The following NBPF3 variants were observed in gnomAD, a reference collection of about 807,000 sequenced individuals.
NBPF3 encodes the protein NBPF family member NBPF3.
NBPF3 carries 57 observed loss-of-function variants against 78.1 expected under a neutral mutation model. That is an observed-to-expected ratio of 0.73 (90% CI 0.59 to 0.91). The LOEUF is 0.91. Ranked by LOEUF, NBPF3 falls within the 40% of genes least tolerant of loss-of-function variation. NBPF3 has a pLI of 0.00. For missense variants in NBPF3, 510 were observed against 715.3 expected, an observed-to-expected ratio of 0.71 and a Z score of 3.27; for synonymous variants, 182 against 271.7, an observed-to-expected ratio of 0.67 and a Z score of 3.25.
chr1:21,460,940 C>A lies in NBPF3; in HGVS notation c.134-7748C>A, dbSNP rs1020961102. On this transcript the variant is annotated intron_variant, in intron 2 of 14. Coordinates refer to ENST00000318249, the MANE Select transcript of NBPF3 (RefSeq NM_032264.6). The surrounding 1 kb of genome is among the most constrained non-coding windows in gnomAD (Gnocchi z 4.2). ...AGGTTACAAGAAAATGACAAACACA[C>A]CAGTGTTTCAATGAACATAAAATTT... Among the ~76,000 whole-genome samples, 1 of 152,084 alleles carries A rather than the reference C, an allele frequency of 6.6e-6. No homozygotes were observed.
intron 9 of NBPF3, among the ~76,000 whole-genome samples, chr1:21,478,944 T>C (rs1174683155): frequency 6.6e-6 from 1 of 152,244 alleles, no homozygotes; most frequent in African/African-American, 2.4e-5. Flanking sequence ...GCTGGTACAT[T>C]GCACCCCTCC....
At chr1:21,442,652 T>A (rs1267005425) in intron 1 of NBPF3, among the ~76,000 whole-genome samples, 3 of 151,982 alleles carry the variant, frequency 2.0e-5, no homozygotes. Context: ...TTATAACAAT[T>A]TTATTTCAGT....
intron 12 of NBPF3, 137 bp from the exon 13 acceptor site, chr1:21,481,460 C>A: frequency 8.9e-7 from 1 of 1,120,432 alleles, no homozygotes; most frequent in Non-Finnish European, 1.3e-6. Context: ...CAACTGAGGG[C>A]AATAATTTGT....
At position 21,470,647 on chromosome 1, in the gene NBPF3, A is replaced by G. The variant is rs1642533275; in HGVS notation, c.359A>G (p.Lys120Arg). The change falls in exon 4 of 15, where the codon AAA becomes AGA. Residue 120 changes from lysine (K) to arginine (R), a missense_variant. Around this residue, in one of 5 missense-constraint regions of NBPF3, gnomAD observed 440 missense variants for 478.2 expected, o/e 0.92. Coordinates refer to ENST00000318249, the MANE Select transcript of NBPF3 (RefSeq NM_032264.6). Reference protein sequence around the residue: ...RQNNYDYEDCKDLIKSMLRDE... With the variant: ...RQNNYDYEDCRDLIKSMLRDE... ...CTTTTCTCAGACTATGAAGACTGCA[A>G]AGACCTCATAAAATCTATGCTGAGG... is the stretch of plus-strand genomic sequence containing the variant. The G allele has an allele frequency of 1.9e-6, 3 of 1,597,138 alleles. No homozygotes were observed. Among genetic ancestry groups the G allele is most frequent in the Non-Finnish European group, 1.7e-6 (2 of 1,168,832 alleles).
chr1:21,439,234 G>C (rs571800048), upstream of NBPF3, among the ~76,000 whole-genome samples: 5 of 152,248 alleles, frequency 3.3e-5, no homozygotes, highest in African/African-American at 9.6e-5. Context: ...AGCTGAGATT[G>C]TGCCACTGCA....
In NBPF3 at chr1:21,471,500, G is replaced by A. The variant is rs1206397686; in HGVS notation, c.447-69G>A. 4.4e-6 allele frequency: 7 copies of A among 1,608,214 alleles called. No homozygotes were observed. The Admixed American group carries it at 1.2e-4, about 27-fold the overall frequency. On this transcript the variant is annotated intron_variant, in intron 4 of 14. Coordinates refer to ENST00000318249, the MANE Select transcript of NBPF3 (RefSeq NM_032264.6). ...TGAGGACATTGTCTCAGAAATCTGT[G>A]TTGCAAAATATTAGAACTGATCACT...
intron 2 of NBPF3, among the ~76,000 whole-genome samples, chr1:21,448,115 C>T (rs555323439): frequency 6.6e-6 from 1 of 152,182 alleles, no homozygotes; most frequent in South Asian, 2.1e-4. Flanking sequence ...GTGTCTTTCA[C>T]AGAGCAGAAG....
rs189747057 is a variant in NBPF3, at chr1:21,479,401, G to T, written c.1208+1G>T. ...AGGACCAAGAGGCCACAAGTCCCAG[G>T]TGAGTCTGAGAAATTATGGACAGTT... On this transcript the variant is annotated splice_donor_variant, in intron 10 of 14. Coordinates refer to ENST00000318249, the MANE Select transcript of NBPF3 (RefSeq NM_032264.6). LOFTEE classifies it high-confidence loss of function. 2.5e-6 allele frequency: 4 copies of T among 1,609,746 alleles called. No homozygotes were observed. Among genetic ancestry groups the T allele is most frequent in the Non-Finnish European group, 3.4e-6 (4 of 1,178,100 alleles).
chr1:21,453,466 T>C (rs949690275), intron 2 of NBPF3: 1 of 152,262 alleles, frequency 6.6e-6, no homozygotes, highest in Non-Finnish European at 1.5e-5. Context: ...AAAGGTCCTG[T>C]GGCACCCATC....
At chr1:21,473,852 C>T (rs139858084) in intron 7 of NBPF3, among the ~76,000 whole-genome samples, 85 of 152,286 alleles carry the variant, frequency 5.6e-4, no homozygotes, top group Admixed American at 1.9e-3. Context: ...TGTGAGGCCT[C>T]GTACCTTTGA....
intron 5 of NBPF3, 69 bp downstream of exon 5, chr1:21,471,852 T>A (rs1192514311): frequency 1.3e-6 from 2 of 1,574,554 alleles, no homozygotes; most frequent in East Asian, 4.5e-5. Context: ...CTCCATACTT[T>A]CACAATGACA....
intron 8 of NBPF3, among the ~76,000 whole-genome samples, chr1:21,475,202 CA>C (rs145346301): frequency 0.025 from 3,760 of 152,230 alleles, 78 homozygotes; most frequent in East Asian, 0.094. Flanking sequence ...TTGATCTTTT[CA>C]AAAAACCAGC....
At position 21,445,035 on chromosome 1, in the gene NBPF3, C is replaced by T; in HGVS notation, c.-52C>T. 6.3e-7 allele frequency: 1 copy of T among 1,577,444 alleles called. No homozygotes were observed. ...CAGCCAATTGTCCCTTGCCGTCCTC[C>T]TGAGGGTATCTGGAGCTTCAGTGCT... On this transcript the variant is annotated 5_prime_UTR_variant, in exon 2 of 15. Coordinates refer to ENST00000318249, the MANE Select transcript of NBPF3 (RefSeq NM_032264.6).
At chr1:21,478,894 G>A (rs1349891248) in intron 9 of NBPF3, among the ~76,000 whole-genome samples, 2 of 152,218 alleles carry the variant, frequency 1.3e-5, no homozygotes, top group Non-Finnish European at 2.9e-5. Context: ...CATGATAGCT[G>A]ATGCTTCTGT....
At chr1:21,448,570 G>C (rs1313150815) in intron 2 of NBPF3, among the ~76,000 whole-genome samples, 1 of 152,162 alleles carries the variant, frequency 6.6e-6, no homozygotes, top group African/African-American at 2.4e-5. Flanking sequence ...GATAGTGCCA[G>C]ACGTCAGGGG....
chr1:21,445,648 A>G (rs547347884), intron 2 of NBPF3, among the ~76,000 whole-genome samples: 6 of 151,310 alleles, frequency 4.0e-5, no homozygotes, highest in Non-Finnish European at 5.9e-5. Context: ...AGGCTCCTAC[A>G]CTGTCCTGGG....
At chr1:21,465,717 T>G (rs1277959476) in intron 2 of NBPF3, among the ~76,000 whole-genome samples, 3 of 152,186 alleles carry the variant, frequency 2.0e-5, no homozygotes, top group Non-Finnish European at 4.4e-5. Context: ...GAAATGAAGT[T>G]TGCCTCTTTT....
upstream of NBPF3, among the ~76,000 whole-genome samples, chr1:21,439,728 T>C (rs1230323093): frequency 3.3e-5 from 5 of 152,248 alleles, 1 homozygote; most frequent in Admixed American, 3.3e-4. Flanking sequence ...CCTGGCCCTA[T>C]TTGAATTTCG....
intron 5 of NBPF3, among the ~76,000 whole-genome samples, chr1:21,472,032 G>A (rs1483574430): frequency 2.6e-5 from 4 of 152,136 alleles, no homozygotes; most frequent in Admixed American, 6.5e-5. Context: ...GCAAGAAGCT[G>A]CACGTTTCTA....
Sources: allele counts gnomAD v4.1 joint callset (sites outside exome capture counted in the v4.1 genomes callset), GRCh38; gene constraint gnomAD v4.1.1; regional missense constraint gnomAD v4.1.1; non-coding constraint Gnocchi (gnomAD v3.1); transcripts MANE v1.5; gene names NCBI Gene and HGNC (gene_info 2026-07-23, HGNC 2026-07-21).